SMYD3: variants seen among roughly 807,000 people sequenced by gnomAD.
SMYD3 encodes SET and MYND domain containing 3, also known as histone-lysine N-methyltransferase SMYD3.
Under a neutral mutation model 57.7 loss-of-function variants are expected in SMYD3, and 36 were observed. That is an observed-to-expected ratio of 0.62 (90% CI 0.48 to 0.82). The LOEUF is 0.82. SMYD3 is among the 40% of genes least tolerant of loss of function. The pLI, the probability that SMYD3 is intolerant of heterozygous loss-of-function variation, is 0.00. For missense variants in SMYD3, 515 were observed against 538.8 expected (o/e 0.96, Z 0.44); for synonymous variants, 211 against 195.0 (o/e 1.08, Z -0.68).
At chr1:246,057,477 G>T (rs942626675) in intron 5 of SMYD3, among the ~76,000 whole-genome samples, 4 of 152,156 alleles carry the variant, frequency 2.6e-5, no homozygotes, top group African/African-American at 9.7e-5. Context: ...GATGGATACA[G>T]ATGGCAAATA....
At chr1:246,344,214 A>G (rs1416622641) in intron 2 of SMYD3, among the ~76,000 whole-genome samples, 2 of 152,108 alleles carry the variant, frequency 1.3e-5, no homozygotes, top group Non-Finnish European at 2.9e-5. Context: ...ATCTCCATAT[A>G]ACCAACACCA....
chr1:246,279,811 G>C (rs1158249535), intron 5 of SMYD3, among the ~76,000 whole-genome samples: 1 of 152,098 alleles, frequency 6.6e-6, no homozygotes, highest in Non-Finnish European at 1.5e-5. Flanking sequence ...TATAAAACAA[G>C]GCTTTATGAT....
At chr1:246,107,028 G>C (rs1040790526) in intron 5 of SMYD3, among the ~76,000 whole-genome samples, 1 of 151,968 alleles carries the variant, frequency 6.6e-6, no homozygotes, top group Admixed American at 6.6e-5. Flanking sequence ...GGCCGGGCAC[G>C]GTGGCTCACG....
chr1:245,757,108 G>C (rs979425923), intron 11 of SMYD3, among the ~76,000 whole-genome samples: 1 of 151,920 alleles, frequency 6.6e-6, no homozygotes, highest in Admixed American at 6.6e-5. Flanking sequence ...ATCTTGTACT[G>C]AAACTGTGTA....
At chr1:246,451,853 T>C (rs1164575408) in intron 1 of SMYD3, among the ~76,000 whole-genome samples, 3 of 152,226 alleles carry the variant, frequency 2.0e-5, no homozygotes, top group Non-Finnish European at 4.4e-5. Context: ...AGATATCAAA[T>C]AAGCAAAACC....
intron 5 of SMYD3, among the ~76,000 whole-genome samples, chr1:246,317,710 T>G (rs1447136165): frequency 6.6e-6 from 1 of 152,214 alleles, no homozygotes; most frequent in Admixed American, 6.5e-5. Context: ...TATACGTATT[T>G]CAAAAAATCA....
intron 10 of SMYD3, among the ~76,000 whole-genome samples, chr1:245,844,378 A>C (rs1200713693): frequency 6.6e-6 from 1 of 152,126 alleles, no homozygotes; most frequent in African/African-American, 2.4e-5. Flanking sequence ...GCTTTACTGC[A>C]CTGCACTGTT....
chr1:245,877,784 A>G (rs144762925), intron 8 of SMYD3, among the ~76,000 whole-genome samples: 1,755 of 152,358 alleles, frequency 0.012, 102 homozygotes, highest in Admixed American at 0.09. Flanking sequence ...ACATGCTAAT[A>G]TAAGATGTCT....
intron 10 of SMYD3, among the ~76,000 whole-genome samples, chr1:245,771,360 T>G (rs1161978690): frequency 6.6e-6 from 1 of 152,204 alleles, no homozygotes; most frequent in African/African-American, 2.4e-5. Context: ...TTATTCTATT[T>G]TTGTGTACAT....
At position 245,823,950 on chromosome 1, in the gene SMYD3, G is replaced by A. The variant is rs150467526; in HGVS notation, c.1076+34546C>T. Among the ~76,000 whole-genome samples, 7 of 152,318 alleles carry A rather than the reference G, an allele frequency of 4.6e-5. No homozygotes were observed. In the East Asian group the frequency reaches 5.8e-4, roughly 13 times the overall value. ...CCACGTGCTCCCGAAGGCACCGCAC[G>A]CAGGGCAGGGCATGGCCAGAATGAC... On this transcript the variant is annotated intron_variant, in intron 10 of 11. Transcript: ENST00000490107.
intron 10 of SMYD3, among the ~76,000 whole-genome samples, chr1:245,780,025 A>C (rs886072417): frequency 6.6e-6 from 1 of 152,184 alleles, no homozygotes; most frequent in African/African-American, 2.4e-5. Flanking sequence ...AGATAATAAC[A>C]AGTGTTGGTG....
intron 1 of SMYD3, among the ~76,000 whole-genome samples, chr1:246,442,842 G>A (rs1037743513): frequency 6.6e-5 from 10 of 152,158 alleles, no homozygotes; most frequent in East Asian, 3.9e-4. Context: ...AGATGATCTT[G>A]GGAGCCAGAC....
intron 1 of SMYD3, among the ~76,000 whole-genome samples, chr1:246,448,479 T>C (rs1445185478): frequency 6.6e-6 from 1 of 151,960 alleles, no homozygotes; most frequent in Non-Finnish European, 1.5e-5. Context: ...AGAGACTAAA[T>C]AAACAAATGG....
intron 8 of SMYD3, among the ~76,000 whole-genome samples, chr1:245,907,892 C>CT (rs1572653919): frequency 6.6e-6 from 1 of 152,060 alleles, no homozygotes; most frequent in East Asian, 1.9e-4. Context: ...AATCCCAGCA[C>CT]TTTGGGAGGC....
chr1:246,006,998 C>CG (rs1428429255), intron 5 of SMYD3, among the ~76,000 whole-genome samples: 1 of 152,206 alleles, frequency 6.6e-6, no homozygotes, highest in African/African-American at 2.4e-5. Flanking sequence ...TCCTGTTACA[C>CG]GGTTCTGTTC....
intron 5 of SMYD3, among the ~76,000 whole-genome samples, chr1:246,229,944 C>T (rs1186721003): frequency 6.6e-6 from 1 of 152,154 alleles, no homozygotes; most frequent in Non-Finnish European, 1.5e-5. Context: ...CTAAAACAGA[C>T]TTATATCTAC....
At chr1:245,849,458 A>G (rs141516912) in intron 10 of SMYD3, among the ~76,000 whole-genome samples, 22 of 152,016 alleles carry the variant, frequency 1.4e-4, no homozygotes, top group African/African-American at 5.3e-4. Context: ...AGCAGAGATG[A>G]GTTATGTGTA....
chr1:245,823,478 C>T (rs1485434027), intron 10 of SMYD3, among the ~76,000 whole-genome samples: 1 of 152,180 alleles, frequency 6.6e-6, no homozygotes, highest in Non-Finnish European at 1.5e-5. Context: ...AAGTCAGCGC[C>T]GCGCACTACT....
intron 8 of SMYD3, among the ~76,000 whole-genome samples, chr1:245,872,533 C>T (rs2052264250): frequency 6.6e-6 from 1 of 152,204 alleles, no homozygotes; most frequent in Non-Finnish European, 1.5e-5. Context: ...CCCCGTCACT[C>T]CCTTGGATCC....
Sources: gnomAD v4.1 joint callset for allele counts (sites outside exome capture counted in the v4.1 genomes callset) on GRCh38, gnomAD v4.1.1 for gene constraint, MANE v1.5 for transcripts, NCBI Gene and HGNC (gene_info 2026-07-23, HGNC 2026-07-21) for gene names.